NCOA2: variants seen among roughly 807,000 people sequenced by gnomAD.
The protein encoded by NCOA2 is class E basic helix-loop-helix protein 75.
A neutral mutation model predicts 145.1 loss-of-function variants in NCOA2; 21 were observed. The observed-to-expected ratio is 0.14, with a 90% confidence interval of 0.10 to 0.21. The LOEUF is 0.21. Among genes scored for constraint, NCOA2 ranks in the 10% least tolerant of loss-of-function variants. The pLI, the probability that NCOA2 is intolerant of heterozygous loss-of-function variation, is 1.00. For synonymous variants in NCOA2, 619 were observed against 637.5 expected (o/e 0.97, Z 0.44); for missense variants, 1,472 against 1,837.6 (o/e 0.80, Z 3.64).
intron 2 of NCOA2, among the ~76,000 whole-genome samples, chr8:70,252,791 G>A (rs774502472): frequency 1.3e-5 from 2 of 152,038 alleles, no homozygotes; most frequent in African/African-American, 4.8e-5. Context: ...TAGAATTGTC[G>A]AAGACAAAAG....
At chr8:70,320,861 T>C (rs1390075686) in intron 1 of NCOA2, among the ~76,000 whole-genome samples, 3 of 152,202 alleles carry the variant, frequency 2.0e-5, no homozygotes, top group African/African-American at 7.2e-5. Context: ...TCACTGTGCA[T>C]ATTGTCTTTA....
intron 4 of NCOA2, among the ~76,000 whole-genome samples, chr8:70,199,743 C>T (rs1817694703): frequency 6.6e-6 from 1 of 152,156 alleles, no homozygotes; most frequent in Non-Finnish European, 1.5e-5. Context: ...CTTTCTTGGT[C>T]CCAGGCCACA....
chr8:70,454,425 A>G, the NCOA2 span, among the ~76,000 whole-genome samples: 1 of 152,164 alleles, frequency 6.6e-6, no homozygotes, highest in African/African-American at 2.4e-5. Context: ...CTTTCCTTCT[A>G]ATTGACTGCT....
intron 9 of NCOA2, among the ~76,000 whole-genome samples, chr8:70,161,425 T>C (rs1812985346): frequency 6.6e-6 from 1 of 152,202 alleles, no homozygotes; most frequent in Non-Finnish European, 1.5e-5. Context: ...TTCCTTGTAT[T>C]CTTTCAAACT....
intron 2 of NCOA2, among the ~76,000 whole-genome samples, chr8:70,238,424 G>C (rs983052289): frequency 2.6e-4 from 5 of 19,302 alleles, no homozygotes; most frequent in African/African-American, 1.2e-3. Context: ...AACAGATTCA[G>C]AGAAGTTACA....
chr8:70,233,899 A>G (rs575306263), intron 2 of NCOA2, among the ~76,000 whole-genome samples: 1 of 152,222 alleles, frequency 6.6e-6, no homozygotes, highest in African/African-American at 2.4e-5. Flanking sequence ...GCAATTTAAT[A>G]TATACATTAA....
At chr8:70,215,321 C>A (rs1335727615) in intron 3 of NCOA2, among the ~76,000 whole-genome samples, 1 of 152,114 alleles carries the variant, frequency 6.6e-6, no homozygotes, top group East Asian at 1.9e-4. Flanking sequence ...CCCCTGAGCG[C>A]CCCAGAGGGA....
At chr8:70,202,313 T>C (rs777945340) in intron 4 of NCOA2, among the ~76,000 whole-genome samples, 6 of 152,184 alleles carry the variant, frequency 3.9e-5, no homozygotes, top group Admixed American at 6.6e-5. Context: ...AATTACCATG[T>C]ATAAGCCAGT....
chr8:70,195,825 TAA>T (rs2133377274), intron 4 of NCOA2, among the ~76,000 whole-genome samples: 1 of 152,294 alleles, frequency 6.6e-6, no homozygotes, highest in Non-Finnish European at 1.5e-5. Context: ...CACATTCCTT[TAA>T]GAGACCAATT....
At chr8:70,135,961 C>T (rs1225000417) in intron 15 of NCOA2, among the ~76,000 whole-genome samples, 1 of 152,210 alleles carries the variant, frequency 6.6e-6, no homozygotes, top group Non-Finnish European at 1.5e-5. Flanking sequence ...CATTTCTTCA[C>T]TTTTCAAAAG....
chr8:70,139,767 C>T (rs1318391618), intron 14 of NCOA2, among the ~76,000 whole-genome samples: 5 of 150,240 alleles, frequency 3.3e-5, no homozygotes, highest in African/African-American at 9.8e-5. Context: ...ATTTCCCTAC[C>T]GCAACCTCCT....
chr8:70,165,535 C>T (rs555622712), intron 7 of NCOA2, among the ~76,000 whole-genome samples: 7 of 152,330 alleles, frequency 4.6e-5, no homozygotes, highest in African/African-American at 1.2e-4. Context: ...CTGCTCCCCA[C>T]GCACAATGCA....
chr8:70,337,815 G>A (rs778866939), intron 1 of NCOA2, among the ~76,000 whole-genome samples: 18 of 152,028 alleles, frequency 1.2e-4, no homozygotes, highest in Non-Finnish European at 2.6e-4. Context: ...AAAACTACAT[G>A]GAAATTCAAC....
chr8:70,356,389 C>T (rs2130916048), intron 1 of NCOA2, among the ~76,000 whole-genome samples: 1 of 152,272 alleles, frequency 6.6e-6, no homozygotes, highest in South Asian at 2.1e-4. Context: ...AAAATCACTC[C>T]ACTAGTCATT....
chr8:70,290,354 A>G (rs1018574613), intron 2 of NCOA2, among the ~76,000 whole-genome samples: 1 of 151,864 alleles, frequency 6.6e-6, no homozygotes, highest in Non-Finnish European at 1.5e-5. Flanking sequence ...ACACCCGGCT[A>G]ATTTTTTGTA....
At chr8:70,277,776 A>T (rs956966039) in intron 2 of NCOA2, among the ~76,000 whole-genome samples, 77 of 151,966 alleles carry the variant, frequency 5.1e-4, no homozygotes, top group African/African-American at 1.6e-3. Context: ...AGACATTTAA[A>T]TTTTTTCCAG....
At chr8:70,171,376 G>A (rs1253134576) in intron 5 of NCOA2, among the ~76,000 whole-genome samples, 1 of 152,184 alleles carries the variant, frequency 6.6e-6, no homozygotes, top group African/African-American at 2.4e-5. Context: ...AATCCAGAAG[G>A]ATCAGATTCC....
intron 1 of NCOA2, among the ~76,000 whole-genome samples, chr8:70,311,542 T>G (rs921158215): frequency 6.6e-6 from 1 of 152,200 alleles, no homozygotes; most frequent in Non-Finnish European, 1.5e-5. Context: ...AAGAACATCA[T>G]CAGGATCTTT....
intron 2 of NCOA2, among the ~76,000 whole-genome samples, chr8:70,249,780 T>C (rs1270756748): frequency 6.6e-6 from 1 of 151,128 alleles, no homozygotes; most frequent in African/African-American, 2.4e-5. Context: ...CTGGCTAACA[T>C]GGTGAAACTC....
Sources: gnomAD v4.1 joint callset for allele counts (sites outside exome capture counted in the v4.1 genomes callset) on GRCh38, gnomAD v4.1.1 for gene constraint, MANE v1.5 for transcripts, NCBI Gene and HGNC (gene_info 2026-07-23, HGNC 2026-07-21) for gene names.